The following BPIFC variants were observed in gnomAD, a reference collection of about 807,000 sequenced individuals.
The protein encoded by BPIFC is BPI fold-containing family C protein.
In BPIFC, 60 loss-of-function variants were observed where a neutral mutation model predicts 57.6. The observed-to-expected ratio is 1.04, with a 90% CI of 0.85 to 1.29. The LOEUF (loss-of-function observed/expected upper bound fraction) is 1.29, where lower values mean the gene tolerates loss of function less well. Ranked by LOEUF, BPIFC falls within the 50% of genes most tolerant of loss-of-function variation. BPIFC has a pLI of 0.00. For synonymous variants in BPIFC, 243 were observed against 224.5 expected (o/e 1.08, Z -0.74); for missense variants, 581 against 600.5 (o/e 0.97, Z 0.34).
At chr22:32,449,221 G>A (rs1466806522) in intron 4 of BPIFC, among the ~76,000 whole-genome samples, 1 of 152,136 alleles carries the variant, frequency 6.6e-6, no homozygotes, top group African/African-American at 2.4e-5. Context: ...GCTTGACTTG[G>A]AGCCAAGTTT....
At position 32,417,130 on chromosome 22, in the gene BPIFC, T is replaced by A; in HGVS notation, c.1279A>T (p.Ile427Phe). ...CCAAAGTGAAGAATGGACGATAGAA[T>A]ATTTTCAAACCTCAAGACCTAAAAT... ...SNIEVLRFEN[I>F]LSSILHFGVL... Residue 427 changes from isoleucine (I) to phenylalanine (F), a missense_variant, in exon 15 of 17, where the codon ATT becomes TTT. By Grantham distance (21) the Ile-to-Phe change is conservative. Coordinates refer to ENST00000300399, the MANE Select transcript of BPIFC (RefSeq NM_174932.3). 1 of 1,606,318 alleles carries A rather than the reference T, an allele frequency of 6.2e-7. No homozygotes were observed. The highest frequency in any genetic ancestry group is 8.5e-7 in the Non-Finnish European group (1 of 1,173,626).
intron 8 of BPIFC, among the ~76,000 whole-genome samples, chr22:32,439,196 G>A (rs767196567): frequency 4.0e-5 from 6 of 151,886 alleles, no homozygotes; most frequent in East Asian, 3.9e-4. Flanking sequence ...GTGGTGGCAC[G>A]CGCCTGTAAT....
chr22:32,425,278 C>A (rs972562006), intron 13 of BPIFC, among the ~76,000 whole-genome samples: 2 of 152,080 alleles, frequency 1.3e-5, no homozygotes, highest in Non-Finnish European at 2.9e-5. Flanking sequence ...CCTCTAGGAC[C>A]GTTCATTTAA....
At chr22:32,438,662 G>A (rs1934477780) in intron 8 of BPIFC, among the ~76,000 whole-genome samples, 1 of 152,268 alleles carries the variant, frequency 6.6e-6, no homozygotes, top group Non-Finnish European at 1.5e-5. Context: ...AAAGTACGGG[G>A]ATTACAGGAG....
chr22:32,457,774 A>C (rs1935075696), intron 2 of BPIFC, among the ~76,000 whole-genome samples: 1 of 152,166 alleles, frequency 6.6e-6, no homozygotes, highest in Non-Finnish European at 1.5e-5. Flanking sequence ...CCTCTCTGTG[A>C]AAACTTCCCT....
At chr22:32,426,055 G>A (rs556825199) in intron 13 of BPIFC, among the ~76,000 whole-genome samples, 1 of 152,314 alleles carries the variant, frequency 6.6e-6, no homozygotes, top group East Asian at 1.9e-4. Flanking sequence ...CCTACAGTCT[G>A]TCTAGACCAC....
At chr22:32,455,051 ATT>A (rs58029060) in intron 3 of BPIFC, among the ~76,000 whole-genome samples, 5 of 130,718 alleles carry the variant, frequency 3.8e-5, no homozygotes, top group Admixed American at 1.6e-4. Context: ...TTTCATCTCC[ATT>A]TTTTTTTTTT....
chr22:32,434,635 T>C (rs767509560), intron 10 of BPIFC, among the ~76,000 whole-genome samples: 31 of 152,206 alleles, frequency 2.0e-4, no homozygotes, highest in Non-Finnish European at 3.5e-4. Context: ...TCCTCACTTT[T>C]AGGGATTACT....
chr22:32,447,602 G>GCT (rs1455025658), intron 4 of BPIFC, among the ~76,000 whole-genome samples: 1 of 139,526 alleles, frequency 7.2e-6, no homozygotes, highest in Admixed American at 7.5e-5. Context: ...CTTCTCTCTC[G>GCT]CTCTCTTTTT....
intron 3 of BPIFC, among the ~76,000 whole-genome samples, chr22:32,454,354 T>C (rs532302955): frequency 1.3e-5 from 2 of 152,346 alleles, no homozygotes; most frequent in African/African-American, 4.8e-5. Context: ...TGTGTGCATA[T>C]GTGTCTCGTT....
At chr22:32,440,838 A>C (rs1262442875) in intron 8 of BPIFC, among the ~76,000 whole-genome samples, 1 of 152,004 alleles carries the variant, frequency 6.6e-6, no homozygotes, top group Non-Finnish European at 1.5e-5. Context: ...CACCATCATT[A>C]ATTGTATGGG....
chr22:32,462,003 C>G (rs1293704332), intron 1 of BPIFC, among the ~76,000 whole-genome samples: 3 of 151,432 alleles, frequency 2.0e-5, no homozygotes, highest in African/African-American at 7.3e-5. Context: ...GAAACTGTCT[C>G]TACTAAAAAT....
At chr22:32,423,577 G>GTGTGTGTGTGTGTGT (rs1933908386) in intron 13 of BPIFC, among the ~76,000 whole-genome samples, 163 of 143,256 alleles carry the variant, frequency 1.1e-3, no homozygotes, top group African/African-American at 3.7e-3. Context: ...GTAGGGTGTG[G>GTGTGTGTGTGTGTGT]GTGTGTGTGT....
chr22:32,441,950 C>T (rs74642428), intron 8 of BPIFC, among the ~76,000 whole-genome samples: 5,944 of 152,206 alleles, frequency 0.039, 279 homozygotes, highest in East Asian at 0.25. Context: ...CAATAGGGTT[C>T]GCACTCCTAT....
intron 13 of BPIFC, among the ~76,000 whole-genome samples, chr22:32,430,578 A>G (rs1301573358): frequency 6.7e-6 from 1 of 148,386 alleles, no homozygotes; most frequent in Non-Finnish European, 1.5e-5. Context: ...TTTATTACAT[A>G]TGTAATATTT....
chr22:32,458,751 A>C (rs1935097992), intron 2 of BPIFC, among the ~76,000 whole-genome samples: 1 of 152,156 alleles, frequency 6.6e-6, no homozygotes, highest in Non-Finnish European at 1.5e-5. Flanking sequence ...CCGTATTGTG[A>C]CTGTCTTTTT....
At chr22:32,428,770 G>T (rs1048385936) in intron 13 of BPIFC, among the ~76,000 whole-genome samples, 3 of 151,860 alleles carry the variant, frequency 2.0e-5, no homozygotes, top group African/African-American at 7.3e-5. Context: ...GTGGTGGCAG[G>T]CGCCTGTAAT....
At chr22:32,427,689 T>C (rs560539724) in intron 13 of BPIFC, among the ~76,000 whole-genome samples, 13 of 152,318 alleles carry the variant, frequency 8.5e-5, no homozygotes, top group Admixed American at 3.9e-4. Flanking sequence ...TCATGCTCTC[T>C]GGCTTTCATC....
At chr22:32,420,838 A>G (rs1353173496) in intron 13 of BPIFC, among the ~76,000 whole-genome samples, 1 of 152,214 alleles carries the variant, frequency 6.6e-6, no homozygotes. Context: ...AAATTACGAT[A>G]TGTCCATTAA....
Sources: allele counts gnomAD v4.1 joint callset (sites outside exome capture counted in the v4.1 genomes callset), GRCh38; gene constraint gnomAD v4.1.1; transcripts MANE v1.5; gene names NCBI Gene and HGNC (gene_info 2026-07-23, HGNC 2026-07-21).